The following AFAP1L2 variants were observed in gnomAD, a reference collection of about 807,000 sequenced individuals.
The protein encoded by AFAP1L2 is actin filament-associated protein 1-like 2.
Under a neutral mutation model 99.3 loss-of-function variants are expected in AFAP1L2, and 46 were observed. The observed-to-expected ratio is 0.46, with a 90% CI of 0.37 to 0.59. The LOEUF (loss-of-function observed/expected upper bound fraction) is 0.59. AFAP1L2 is among the 20% of genes least tolerant of loss of function. AFAP1L2 has a pLI of 0.00. For synonymous variants in AFAP1L2, 397 were observed against 419.1 expected, an observed-to-expected ratio of 0.95 and a Z score of 0.64; for missense variants, 959 against 1,034.9, an observed-to-expected ratio of 0.93 and a Z score of 1.01.
At position 114,307,809 on chromosome 10, in the gene AFAP1L2, T is replaced by C. The variant is rs1047765207; in HGVS notation, c.1068A>G (p.Thr356=). Residue 356 remains threonine, a synonymous_variant, in exon 10 of 19, where the codon ACA becomes ACG. Transcript: ENST00000304129. ...GGAGGTAGCTACAATTCTTACTGGA[T>C]GTCTCGAGGGACCTCTCCACAGGCT... ...SLEPVERSLE[T]SSYLNVLVNS... The C allele has an allele frequency of 1.2e-6, 2 of 1,613,552 alleles. No individual in the cohort carries two copies. The highest frequency in any genetic ancestry group is 1.1e-5 in the South Asian group (1 of 91,066).
chr10:114,310,589 AC>A (rs2134476186), intron 7 of AFAP1L2, 146 bp from the exon 8 acceptor site: 1 of 683,954 alleles, frequency 1.5e-6, no homozygotes, highest in Admixed American at 3.2e-5. Flanking sequence ...GACCCACCCG[AC>A]CCCAGCCCCA....
intron 1 of AFAP1L2, among the ~76,000 whole-genome samples, chr10:114,355,862 AC>A (rs1332145324): frequency 6.6e-6 from 1 of 152,004 alleles, no homozygotes; most frequent in Non-Finnish European, 1.5e-5. Context: ...GGTTTCAGCT[AC>A]CAGGGAGGCT....
intron 1 of AFAP1L2, among the ~76,000 whole-genome samples, chr10:114,395,248 A>C (rs1044572834): frequency 2.0e-5 from 3 of 152,186 alleles, no homozygotes; most frequent in Admixed American, 2.0e-4. Context: ...GTGCCGCAAA[A>C]GTCCTGACAA....
At chr10:114,352,407 G>A (rs1176918684) in intron 1 of AFAP1L2, among the ~76,000 whole-genome samples, 2 of 140,408 alleles carry the variant, frequency 1.4e-5, no homozygotes, top group Non-Finnish European at 3.0e-5. Context: ...CAGGGAGGCA[G>A]AGGTTGCAGT....
At chr10:114,334,901 G>A (rs1214829791) in intron 2 of AFAP1L2, among the ~76,000 whole-genome samples, 1 of 152,338 alleles carries the variant, frequency 6.6e-6, no homozygotes, top group African/African-American at 2.4e-5. Context: ...CCGTTTTCTT[G>A]TCTGCATGAC....
At chr10:114,397,250 G>C (rs1346469547) in intron 1 of AFAP1L2, among the ~76,000 whole-genome samples, 2 of 152,156 alleles carry the variant, frequency 1.3e-5, no homozygotes, top group African/African-American at 4.8e-5. Flanking sequence ...CGCCCTTTGT[G>C]GCTCACGCCT....
chr10:114,341,673 C>T (rs2048851942), intron 1 of AFAP1L2, among the ~76,000 whole-genome samples: 3 of 151,978 alleles, frequency 2.0e-5, no homozygotes. Flanking sequence ...AGAAGCCCTA[C>T]CTGGCCTCCA....
chr10:114,301,547 G>T (rs41314503), intron 12 of AFAP1L2, 82 bp from the exon 13 acceptor site: 59,714 of 1,059,240 alleles, frequency 0.056, 2,030 homozygotes, highest in Middle Eastern at 0.12. Context: ...TCCCAGTGAG[G>T]AGTGGTTGCC....
chr10:114,309,407 T>C (rs1432971745), intron 8 of AFAP1L2, among the ~76,000 whole-genome samples: 1 of 152,220 alleles, frequency 6.6e-6, no homozygotes, highest in Non-Finnish European at 1.5e-5. Flanking sequence ...GCCTCCTTTC[T>C]GCTCGAGCCC....
At chr10:114,287,004 C>T in the AFAP1L2 span, among the ~76,000 whole-genome samples, 717 of 152,246 alleles carry the variant, frequency 4.7e-3, 5 homozygotes, top group African/African-American at 0.016. Flanking sequence ...CTGAAACAAA[C>T]GCTTCCTGAG....
chr10:114,307,953 A>C lies in AFAP1L2; in HGVS notation c.968-44T>G. 1.9e-6 allele frequency: 3 copies of C among 1,545,368 alleles called. No homozygotes were observed. The South Asian group carries it at 3.3e-5, about 17-fold the overall frequency. On this transcript the variant is annotated intron_variant, in intron 9 of 18. Coordinates refer to ENST00000304129, the MANE Select transcript of AFAP1L2 (RefSeq NM_001001936.3). ...AAGCAATTCGTATTGCACGTGGTCC[A>C]CCCACGTGCCCATGAGAGATGGAAA...
At chr10:114,333,131 G>A in intron 3 of AFAP1L2, 90 bp downstream of exon 3, 1 of 1,207,288 alleles carries the variant, frequency 8.3e-7, no homozygotes. Context: ...TGCCGGCTGG[G>A]AGGAAAGAGA....
At chr10:114,290,158 C>G, downstream of AFAP1L2, 1 of 1,521,512 alleles carries the variant, frequency 6.6e-7, no homozygotes, top group East Asian at 2.5e-5. Flanking sequence ...CCTTGCACCT[C>G]TACTGGGCTT....
intron 12 of AFAP1L2, 132 bp from the exon 13 acceptor site, chr10:114,301,597 C>T: frequency 1.5e-6 from 1 of 666,174 alleles, no homozygotes; most frequent in East Asian, 2.7e-5. Context: ...GGGGCTGACA[C>T]TCACCTCCAT....
At chr10:114,356,898 A>G (rs2136375251) in intron 1 of AFAP1L2, among the ~76,000 whole-genome samples, 1 of 152,358 alleles carries the variant, frequency 6.6e-6, no homozygotes, top group South Asian at 2.1e-4. Flanking sequence ...AAAAAAGGAA[A>G]GTTCTCTCCT....
chr10:114,282,017 C>CTTTTTTTTTTTT, the AFAP1L2 span, among the ~76,000 whole-genome samples: 1,768 of 119,512 alleles, frequency 0.015, 119 homozygotes, highest in African/African-American at 0.041. Flanking sequence ...CTTATGTTAC[C>CTTTTTTTTTTTT]TTTTTTTTTT....
intron 1 of AFAP1L2, among the ~76,000 whole-genome samples, chr10:114,402,078 T>C (rs1025285606): frequency 6.6e-6 from 1 of 152,194 alleles, no homozygotes; most frequent in Non-Finnish European, 1.5e-5. Context: ...TCTTTACAGT[T>C]TTTACTTAGG....
intron 1 of AFAP1L2, among the ~76,000 whole-genome samples, chr10:114,345,534 CT>C (rs1220064214): frequency 6.6e-6 from 1 of 152,168 alleles, no homozygotes; most frequent in Non-Finnish European, 1.5e-5. Flanking sequence ...AGCTGTGCCC[CT>C]ACCACCTCAA....
intron 1 of AFAP1L2, among the ~76,000 whole-genome samples, chr10:114,381,244 T>C (rs889479329): frequency 6.6e-6 from 1 of 152,196 alleles, no homozygotes; most frequent in African/African-American, 2.4e-5. Flanking sequence ...GGATTGAACC[T>C]TGAAAACATT....
Sources: gnomAD v4.1 joint callset for allele counts (sites outside exome capture counted in the v4.1 genomes callset) on GRCh38, gnomAD v4.1.1 for gene constraint, MANE v1.5 for transcripts, NCBI Gene and HGNC (gene_info 2026-07-23, HGNC 2026-07-21) for gene names.